Variants in BCLAF1 observed in about 807,000 individuals in gnomAD.
BCLAF1 encodes BCL2 associated transcription factor 1.
Under a neutral mutation model 99.5 loss-of-function variants are expected in BCLAF1, and 10 were observed. The ratio of observed to expected loss-of-function variants is 0.10; its 90% CI spans 0.06 to 0.17. The LOEUF is 0.17. BCLAF1 is among the 10% of genes least tolerant of loss of function. The pLI is 1.00. For synonymous variants in BCLAF1, 255 were observed against 370.9 expected (o/e 0.69, Z 3.59); for missense variants, 636 against 1,105.8 (o/e 0.58, Z 6.02).
chr6:136,270,429 T>C (rs1235117132), intron 8 of BCLAF1: 2 of 151,878 alleles, frequency 1.3e-5, no homozygotes, highest in Non-Finnish European at 2.9e-5. Context: ...CTAAGCAATG[T>C]GGACATCCTT....
intron 1 of BCLAF1, among the ~76,000 whole-genome samples, chr6:136,285,744 A>G (rs982133985): frequency 6.6e-6 from 1 of 152,200 alleles, no homozygotes; most frequent in African/African-American, 2.4e-5. Context: ...AACAGAGCCT[A>G]TCTTTCATGA....
At chr6:136,269,348 T>C in intron 9 of BCLAF1, 89 bp downstream of exon 9, 14 of 1,577,346 alleles carry the variant, frequency 8.9e-6, no homozygotes, top group Non-Finnish European at 1.2e-5. Flanking sequence ...AACATTCGAT[T>C]ACACAGTCAA....
intron 1 of BCLAF1, among the ~76,000 whole-genome samples, chr6:136,287,652 A>T (rs796908030): frequency 3.3e-5 from 5 of 152,340 alleles, no homozygotes; most frequent in African/African-American, 1.2e-4. Flanking sequence ...CCTATGTAGA[A>T]CTGATAAAAC....
chr6:136,277,532 A>G (rs1783601753), intron 4 of BCLAF1, among the ~76,000 whole-genome samples: 4 of 152,116 alleles, frequency 2.6e-5, no homozygotes. Flanking sequence ...GGTTTTTTTA[A>G]TTCTTTTTAA....
In BCLAF1 at chr6:136,258,173, A is replaced by C. The variant is rs573680320; in HGVS notation, c.*2937T>G. 7.9e-5 allele frequency: 12 copies of C among 152,104 alleles called. No individual in the cohort carries two copies. Among genetic ancestry groups the C allele is most frequent in the Non-Finnish European group, 1.0e-4 (7 of 67,952 alleles). The allele number at this position is 152,104 out of a possible 1,614,324, so 9.4% of individuals were successfully genotyped here. A position where few individuals can be genotyped will look rare whatever the true frequency, so the allele number is the denominator to read the frequency against. On this transcript the variant is annotated 3_prime_UTR_variant, in exon 13 of 13. Coordinates refer to ENST00000531224, the MANE Select transcript of BCLAF1 (RefSeq NM_014739.3). ...AAGAATTATACCACATCTTACTTAA[A>C]GTGAATGAAAAGACAATTCTTTTTA...
At chr6:136,267,415 C>A (rs1465411695) in intron 10 of BCLAF1, among the ~76,000 whole-genome samples, 1 of 151,888 alleles carries the variant, frequency 6.6e-6, no homozygotes, top group African/African-American at 2.4e-5. Context: ...CTTTCATGGA[C>A]TGAACTAATA....
Position 136,271,550 on chromosome 6 carries a change from C to T in BCLAF1, c.2043+445G>A, listed in dbSNP as rs543311762. On this transcript the variant is annotated intron_variant, in intron 8 of 12. Transcript: ENST00000531224. ...CATTTGTAAACCAGTTCTTAGAATG[C>T]TTATTTCTTAATCCACATCAAAAAT... Among the ~76,000 whole-genome samples, 5 of 151,968 alleles carry T rather than the reference C, an allele frequency of 3.3e-5. No individual in the cohort carries two copies. The East Asian group carries it at 7.7e-4, about 23-fold the overall frequency.
intron 10 of BCLAF1, 146 bp downstream of exon 10, chr6:136,268,016 A>G (rs552124239): frequency 2.5e-6 from 2 of 787,844 alleles, no homozygotes; most frequent in South Asian, 6.9e-5. Context: ...CAGCACTTCA[A>G]ACACCACTTC....
rs533297759 is a variant in BCLAF1 at position 136,257,574 on chromosome 6, C to T, written c.*3536G>A. 6.6e-6 allele frequency: 1 copy of T among 152,230 alleles called. No individual in the cohort carries two copies. Among genetic ancestry groups the T allele is most frequent in the South Asian group, 2.1e-4 (1 of 4,824 alleles). 9.4% of individuals were successfully genotyped at this position (152,230 alleles called of 1,614,324 possible). A position where few individuals can be genotyped will look rare whatever the true frequency, so the allele number is the denominator to read the frequency against. ...CTTGTTCATTTAAACTTCATTAGGA[C>T]AGTGTACTAATTTTTAGTATCTACC... On this transcript the variant is annotated 3_prime_UTR_variant, in exon 13 of 13. Transcript: ENST00000531224.
intron 11 of BCLAF1, among the ~76,000 whole-genome samples, chr6:136,264,901 C>T (rs1430426026): frequency 6.6e-6 from 1 of 152,148 alleles, no homozygotes; most frequent in Non-Finnish European, 1.5e-5. Context: ...ATTACTGCTA[C>T]TTATAAGTGG....
chr6:136,288,580 A>G (rs1294732812), intron 1 of BCLAF1, among the ~76,000 whole-genome samples: 1 of 152,242 alleles, frequency 6.6e-6, no homozygotes, highest in East Asian at 1.9e-4. Flanking sequence ...GCAGTGAGGT[A>G]CAAGTCTGAA....
intron 11 of BCLAF1, among the ~76,000 whole-genome samples, chr6:136,266,726 C>T (rs1781766105): frequency 6.6e-6 from 1 of 152,008 alleles, no homozygotes; most frequent in African/African-American, 2.4e-5. Context: ...GTCTTATAGA[C>T]AGATATAAAA....
intron 1 of BCLAF1, among the ~76,000 whole-genome samples, chr6:136,287,544 T>C (rs1785312348): frequency 6.6e-6 from 1 of 152,188 alleles, no homozygotes; most frequent in Non-Finnish European, 1.5e-5. Context: ...CTTCTACTTA[T>C]TTGGTAAATA....
At chr6:136,266,797 A>G (rs575501674) in intron 11 of BCLAF1, among the ~76,000 whole-genome samples, 1 of 152,070 alleles carries the variant, frequency 6.6e-6, no homozygotes, top group Non-Finnish European at 1.5e-5. Context: ...CAAATCAGGT[A>G]TATTTTTTGC....
In BCLAF1 at chr6:136,283,178, CAAAAAAAAAAAAAA is replaced by C. The variant is rs1173234336; in HGVS notation, c.-114-505_-114-492del. Among the ~76,000 whole-genome samples the C allele has an allele frequency of 1.9e-4, 10 of 52,046 alleles. No individual in the cohort carries two copies. In the South Asian group the frequency reaches 7.6e-3, roughly 40 times the overall value. 34.1% of individuals were successfully genotyped at this position (52,046 alleles called of 152,430 possible). On this transcript the variant is annotated intron_variant, in intron 1 of 12. Coordinates refer to ENST00000531224, the MANE Select transcript of BCLAF1 (RefSeq NM_014739.3). ...TTGGCAACACAGCACGACCCCATCT[CAAAAAAAAAAAAAA>C]AAAAAAAAAAAAGGTAATCTGTAGT...
chr6:136,261,253 GA>G lies in BCLAF1; in HGVS notation c.2757+11del. 6.2e-7 allele frequency: 1 copy of G among 1,607,186 alleles called. No individual in the cohort carries two copies. The highest frequency in any genetic ancestry group is 8.5e-7 in the Non-Finnish European group (1 of 1,177,748). ...AAAAAATCTGTCAGAATCACAAGTT[GA>G]AATTTTATACCTTTTCTTCCTTGCG... On this transcript the variant is annotated intron_variant, in intron 12 of 12. Transcript: ENST00000531224.
At chr6:136,267,755 A>G (rs1420358647) in intron 10 of BCLAF1, among the ~76,000 whole-genome samples, 3 of 151,964 alleles carry the variant, frequency 2.0e-5, no homozygotes, top group African/African-American at 7.2e-5. Flanking sequence ...ATACCCATAT[A>G]AGCAAGGATT....
At chr6:136,274,297 C>A (rs1473881720) in intron 6 of BCLAF1, 140 of 99,638 alleles carry the variant, frequency 1.4e-3, no homozygotes, top group Non-Finnish European at 1.7e-3. Flanking sequence ...TACTACAGTT[C>A]TTTTAAAAAA....
chr6:136,274,309 A>AG (rs1782949148), intron 6 of BCLAF1: 2 of 306,112 alleles, frequency 6.5e-6, no homozygotes, highest in Non-Finnish European at 1.0e-5. Context: ...TTTAAAAAAA[A>AG]AAAAAGAAAA....
Sources: allele counts gnomAD v4.1 joint callset (sites outside exome capture counted in the v4.1 genomes callset), GRCh38; gene constraint gnomAD v4.1.1; transcripts MANE v1.5; gene names NCBI Gene and HGNC (gene_info 2026-07-23, HGNC 2026-07-21).